SLC35A1: variants seen among roughly 807,000 people sequenced by gnomAD.
SLC35A1 encodes the protein CMP-sialic acid transporter.
SLC35A1 carries 21 observed loss-of-function variants against 40.3 expected under a neutral mutation model. The ratio of observed to expected loss-of-function variants is 0.52; its 90% confidence interval spans 0.37 to 0.75. SLC35A1 has a LOEUF of 0.75. SLC35A1 is among the 30% of genes least tolerant of loss of function. SLC35A1 has a pLI of 0.00. For missense variants in SLC35A1, 297 were observed against 382.1 expected, an observed-to-expected ratio of 0.78 and a Z score of 1.86; for synonymous variants, 146 against 147.3, an observed-to-expected ratio of 0.99 and a Z score of 0.06.
At chr6:87,484,925 TAAG>T (rs1045538950) in intron 2 of SLC35A1, among the ~76,000 whole-genome samples, 2 of 152,186 alleles carry the variant, frequency 1.3e-5, no homozygotes, top group African/African-American at 2.4e-5. Context: ...TATGAACAGT[TAAG>T]AGGAGCAGCA....
chr6:87,482,625 G>A (rs1336278795), intron 2 of SLC35A1, among the ~76,000 whole-genome samples: 4 of 152,102 alleles, frequency 2.6e-5, no homozygotes, highest in Non-Finnish European at 4.4e-5. Context: ...TCAGTCACAC[G>A]GGAGGAACCA....
At chr6:87,510,033 G>A (rs758901452) in intron 7 of SLC35A1, among the ~76,000 whole-genome samples, 2 of 152,290 alleles carry the variant, frequency 1.3e-5, no homozygotes, top group Admixed American at 1.3e-4. Context: ...AGAAAACCAT[G>A]TATAGTCTGT....
chr6:87,484,041 T>G (rs995015032), intron 2 of SLC35A1, among the ~76,000 whole-genome samples: 2 of 152,196 alleles, frequency 1.3e-5, no homozygotes, highest in Non-Finnish European at 2.9e-5. Context: ...CTCCAGACTT[T>G]GACCACCAAG....
intron 2 of SLC35A1, chr6:87,488,506 C>T (rs1012338497): frequency 6.6e-6 from 1 of 152,104 alleles, no homozygotes; most frequent in African/African-American, 2.4e-5. Context: ...ATAGCATGGC[C>T]CCTGTGCAAG....
intron 5 of SLC35A1, 61 bp downstream of exon 5, chr6:87,506,509 G>T: frequency 1.6e-6 from 2 of 1,262,000 alleles, no homozygotes; most frequent in South Asian, 2.4e-5. Flanking sequence ...TCAAACTTTA[G>T]ACACCAGTCT....
At position 87,496,790 on chromosome 6, in the gene SLC35A1, A is replaced by AC. The variant is rs917524112; in HGVS notation, c.195-3718_195-3717insC. Among the ~76,000 whole-genome samples, 6 of 144,352 alleles carry AC rather than the reference A, an allele frequency of 4.2e-5. 2 individuals are homozygous for AC. The highest frequency in any genetic ancestry group is 1.5e-4 in the African/African-American group (6 of 38,848). 94.7% of individuals were successfully genotyped at this position (144,352 alleles called of 152,430 possible). On this transcript the variant is annotated intron_variant, in intron 2 of 7. Coordinates refer to ENST00000369552, the MANE Select transcript of SLC35A1 (RefSeq NM_006416.5). ...GCTAGACTCCATCTCAAAAAAAAAA[A>AC]AAAAGAAAAACCCACCAAAACAGAA...
At chr6:87,489,053 T>G (rs1769467475) in intron 2 of SLC35A1, among the ~76,000 whole-genome samples, 1 of 152,248 alleles carries the variant, frequency 6.6e-6, no homozygotes, top group South Asian at 2.1e-4. Flanking sequence ...GGCATGGATA[T>G]CCTAACATTC....
At chr6:87,490,584 G>A (rs368083254) in intron 2 of SLC35A1, among the ~76,000 whole-genome samples, 2 of 151,770 alleles carry the variant, frequency 1.3e-5, no homozygotes, top group African/African-American at 4.8e-5. Context: ...CACCTGCCTC[G>A]GCCTCCCAAT....
chr6:87,473,169 C>G (rs1197866354), intron 1 of SLC35A1, 150 bp downstream of exon 1: 1 of 393,130 alleles, frequency 2.5e-6, no homozygotes, highest in Non-Finnish European at 4.5e-6. Context: ...TGCGTGGAGC[C>G]GCTCCCGGCA....
intron 2 of SLC35A1, chr6:87,499,033 G>T: frequency 1.6e-6 from 1 of 643,146 alleles, no homozygotes; most frequent in Non-Finnish European, 1.9e-6. Context: ...GTGTGGGTTT[G>T]GATTTGGTAA....
intron 2 of SLC35A1, among the ~76,000 whole-genome samples, chr6:87,486,728 CAG>C (rs1253707844): frequency 6.6e-6 from 1 of 152,088 alleles, no homozygotes; most frequent in African/African-American, 2.4e-5. Flanking sequence ...AAGAAAAGAG[CAG>C]AGAGGAGGCA....
chr6:87,505,411 T>G (rs1770049074), intron 4 of SLC35A1, among the ~76,000 whole-genome samples: 1 of 152,226 alleles, frequency 6.6e-6, no homozygotes, highest in Admixed American at 6.5e-5. Context: ...TATACTTGGA[T>G]CTGTGAGCAC....
At chr6:87,506,536 T>A in intron 5 of SLC35A1, 88 bp downstream of exon 5, 1 of 1,038,018 alleles carries the variant, frequency 9.6e-7, no homozygotes, top group Non-Finnish European at 1.5e-6. Flanking sequence ...TCTTGCTTTC[T>A]CAGTTTTATT....
chr6:87,491,064 C>A (rs1024261680), intron 2 of SLC35A1, among the ~76,000 whole-genome samples: 1 of 152,154 alleles, frequency 6.6e-6, no homozygotes, highest in Non-Finnish European at 1.5e-5. Context: ...GTAAATACAG[C>A]TTATTTTCAT....
intron 2 of SLC35A1, among the ~76,000 whole-genome samples, chr6:87,496,791 A>AAAAAAAAAAAAAAAAC (rs10658623): frequency 1.4e-5 from 2 of 139,188 alleles, no homozygotes; most frequent in African/African-American, 2.7e-5. Context: ...AAAAAAAAAA[A>AAAAAAAAAAAAAAAAC]AAAGAAAAAC....
chr6:87,506,621 CA>C (rs1770090217), intron 5 of SLC35A1, among the ~76,000 whole-genome samples, 173 bp downstream of exon 5: 1 of 152,164 alleles, frequency 6.6e-6, no homozygotes, highest in Admixed American at 6.5e-5. Context: ...TAGCATTGTT[CA>C]ACTAAGTTCA....
intron 2 of SLC35A1, among the ~76,000 whole-genome samples, chr6:87,492,975 C>G (rs1582180792): frequency 6.6e-6 from 1 of 152,174 alleles, no homozygotes; most frequent in Admixed American, 6.5e-5. Context: ...TATTCTCTTT[C>G]TCATCACACT....
At chr6:87,501,946 C>T (rs989221496) in intron 4 of SLC35A1, among the ~76,000 whole-genome samples, 16 of 152,114 alleles carry the variant, frequency 1.1e-4, no homozygotes, top group Non-Finnish European at 2.1e-4. Flanking sequence ...AGTTATTTCC[C>T]CAAAGAGAAA....
intron 2 of SLC35A1, among the ~76,000 whole-genome samples, chr6:87,489,130 A>G (rs1007246111): frequency 2.0e-5 from 3 of 152,238 alleles, no homozygotes; most frequent in Non-Finnish European, 4.4e-5. Flanking sequence ...TTGGAAGACA[A>G]TAGCTTAATT....
Sources: allele counts gnomAD v4.1 joint callset (sites outside exome capture counted in the v4.1 genomes callset), GRCh38; gene constraint gnomAD v4.1.1; transcripts MANE v1.5; gene names NCBI Gene and HGNC (gene_info 2026-07-23, HGNC 2026-07-21).